The following NRXN1 variants were observed in gnomAD, a reference collection of about 807,000 sequenced individuals.
NRXN1 encodes the protein neurexin 1, also known as neurexin-1.
NRXN1 carries 39 observed loss-of-function variants against 150.9 expected under a neutral mutation model. The observed-to-expected ratio is 0.26, with a 90% CI of 0.20 to 0.34. NRXN1 has a LOEUF of 0.34. NRXN1 is among the 10% of genes least tolerant of loss of function. NRXN1 has a pLI of 1.00. For synonymous variants in NRXN1, 924 were observed against 757.0 expected (o/e 1.22, Z -3.62); for missense variants, 1,815 against 1,949.9 (o/e 0.93, Z 1.30).
intron 18 of NRXN1, among the ~76,000 whole-genome samples, chr2:50,111,574 G>C (rs1196388770): frequency 6.6e-6 from 1 of 151,972 alleles, no homozygotes; most frequent in Admixed American, 6.6e-5. Flanking sequence ...GTGAGGCAGA[G>C]GTTGCAGTGA....
At chr2:50,833,830 C>A (rs1671736448) in intron 5 of NRXN1, among the ~76,000 whole-genome samples, 1 of 152,046 alleles carries the variant, frequency 6.6e-6, no homozygotes, top group South Asian at 2.1e-4. Context: ...TAAGGAAATG[C>A]ACAGATAGAA....
chr2:50,466,423 G>A, intron 16 of NRXN1: 1 of 465,784 alleles, frequency 2.1e-6, no homozygotes, highest in East Asian at 6.8e-5. Flanking sequence ...GTGTATTATG[G>A]GGTTTCAGTC....
intron 15 of NRXN1, among the ~76,000 whole-genome samples, chr2:50,491,513 T>C (rs2091252697): frequency 6.6e-6 from 1 of 151,800 alleles, no homozygotes; most frequent in Non-Finnish European, 1.5e-5. Flanking sequence ...ACTAGGAAGG[T>C]TGAGGAGGAG....
chr2:50,688,615 C>CA (rs1691604673), intron 5 of NRXN1, among the ~76,000 whole-genome samples: 1 of 152,144 alleles, frequency 6.6e-6, no homozygotes, highest in Non-Finnish European at 1.5e-5. Flanking sequence ...CATGTTCTAA[C>CA]AAAGATGAAA....
chr2:50,198,810 C>G (rs61340936), intron 18 of NRXN1, among the ~76,000 whole-genome samples: 3,003 of 152,126 alleles, frequency 0.02, 104 homozygotes, highest in African/African-American at 0.069. Flanking sequence ...TTGTACTCTG[C>G]AAATTTCTTC....
rs546346058 is a variant in NRXN1, at chr2:50,340,888, T to A, written c.3365-103918A>T. Among the ~76,000 whole-genome samples, 11 of 152,256 alleles carry A rather than the reference T, an allele frequency of 7.2e-5. No homozygotes were observed. In the East Asian group the frequency reaches 1.7e-3, roughly 24 times the overall value. On this transcript the variant is annotated intron_variant, in intron 17 of 22. Transcript: ENST00000401669. ...TAAATGAGTCATCGAGGGCTGACTG[T>A]GGTGATGGTCAACAGTAAAGGAAAG...
intron 21 of NRXN1, among the ~76,000 whole-genome samples, chr2:49,949,107 A>G (rs1158928512): frequency 6.6e-6 from 1 of 152,024 alleles, no homozygotes; most frequent in Non-Finnish European, 1.5e-5. Flanking sequence ...CTATATTTGA[A>G]CACCAATATT....
chr2:50,185,294 A>G (rs1319125799), intron 18 of NRXN1, among the ~76,000 whole-genome samples: 2 of 152,082 alleles, frequency 1.3e-5, no homozygotes, highest in Admixed American at 6.6e-5. Context: ...AAGGAGAGGC[A>G]GTATAGAATG....
intron 5 of NRXN1, among the ~76,000 whole-genome samples, chr2:50,885,911 T>C (rs991403774): frequency 2.4e-4 from 36 of 151,052 alleles, no homozygotes; most frequent in African/African-American, 8.2e-4. Flanking sequence ...TTTAGTTAAT[T>C]GTCTCTCCTC....
In NRXN1 at chr2:49,921,947, G is replaced by A; in HGVS notation, c.4521C>T (p.Val1507=). 1 of 1,614,004 alleles carries A rather than the reference G, an allele frequency of 6.2e-7. No homozygotes were observed. Among genetic ancestry groups the A allele is most frequent in the Non-Finnish European group, 8.5e-7 (1 of 1,179,888 alleles). ...GTGTCCATTTAAGATCTTGGGATCAGACATAATACTCTTTATCCTTGTTTT... is the reference window on the plus strand; with the variant it reads ...GTGTCCATTTAAGATCTTGGGATCAAACATAATACTCTTTATCCTTGTTTT... The part of the protein sequence containing the change: ...NKKNKDKEYY[V] Residue 1507 remains valine, a synonymous_variant, in exon 23 of 23, where the codon GTC becomes GTT. Transcript: ENST00000401669.
At chr2:50,154,957 A>C (rs942608929) in intron 18 of NRXN1, among the ~76,000 whole-genome samples, 34 of 151,772 alleles carry the variant, frequency 2.2e-4, no homozygotes, top group African/African-American at 8.2e-4. Context: ...AACAACCTTA[A>C]CTTAAAATGA....
chr2:50,436,788 A>C (rs992222075), intron 17 of NRXN1, among the ~76,000 whole-genome samples: 1 of 152,206 alleles, frequency 6.6e-6, no homozygotes, highest in Non-Finnish European at 1.5e-5. Context: ...ATATTTCAAA[A>C]TGTAGGACAA....
chr2:50,738,442 G>T (rs535703026), intron 5 of NRXN1, among the ~76,000 whole-genome samples: 1 of 152,082 alleles, frequency 6.6e-6, no homozygotes, highest in Non-Finnish European at 1.5e-5. Context: ...AATTTATTCA[G>T]AACTGAAATA....
chr2:50,728,220 TAA>T (rs967908651), intron 5 of NRXN1, among the ~76,000 whole-genome samples: 4 of 152,136 alleles, frequency 2.6e-5, no homozygotes, highest in Non-Finnish European at 5.9e-5. Context: ...CTTCTGCTAC[TAA>T]AAAAGAGCCT....
chr2:50,189,182 A>G (rs570469820), intron 18 of NRXN1, among the ~76,000 whole-genome samples: 128 of 152,264 alleles, frequency 8.4e-4, no homozygotes, highest in Non-Finnish European at 1.6e-3. Context: ...GAATACTATG[A>G]AGTCATAAAA....
At chr2:50,640,229 G>C (rs1158082155) in intron 5 of NRXN1, among the ~76,000 whole-genome samples, 1 of 152,080 alleles carries the variant, frequency 6.6e-6, no homozygotes, top group Admixed American at 6.6e-5. Flanking sequence ...AGCTTCTCAG[G>C]TGATTCTAAT....
At chr2:50,751,867 C>T (rs1700632576) in intron 5 of NRXN1, among the ~76,000 whole-genome samples, 1 of 151,838 alleles carries the variant, frequency 6.6e-6, no homozygotes, top group African/African-American at 2.4e-5. Flanking sequence ...AGAGAAGGGC[C>T]CAGGTCTCCT....
chr2:50,811,778 T>G lies in NRXN1; in HGVS notation c.832+110091A>C, dbSNP rs548348059. On this transcript the variant is annotated intron_variant, in intron 5 of 22. Coordinates refer to ENST00000401669, the MANE Select transcript of NRXN1 (RefSeq NM_001330078.2). ...GAAGATAAAAATCTAATAGAGACTT[T>G]CAGAAGGTCAAATATGAAAGATGAT... Among the ~76,000 whole-genome samples the G allele has an allele frequency of 6.6e-5, 10 of 152,314 alleles. No individual in the cohort carries two copies. The South Asian group carries it at 1.9e-3, about 28-fold the overall frequency.
At chr2:49,943,829 G>T in intron 21 of NRXN1, 38 bp from the exon 22 acceptor site, 3 of 1,415,726 alleles carry the variant, frequency 2.1e-6, no homozygotes, top group South Asian at 1.2e-5. Flanking sequence ...AATTTAAAGG[G>T]TCCTAACAGA....
Sources: gnomAD v4.1 joint callset for allele counts (sites outside exome capture counted in the v4.1 genomes callset) on GRCh38, gnomAD v4.1.1 for gene constraint, MANE v1.5 for transcripts, NCBI Gene and HGNC (gene_info 2026-07-23, HGNC 2026-07-21) for gene names.